The following TNS3 variants were observed in gnomAD, a reference collection of about 807,000 sequenced individuals.
TNS3 encodes tensin-3.
TNS3 carries 45 observed loss-of-function variants against 140.9 expected under a neutral mutation model. The ratio of observed to expected loss-of-function variants is 0.32; its 90% CI spans 0.25 to 0.41. TNS3 has a LOEUF of 0.41. Ranked by LOEUF, TNS3 falls within the 10% of genes least tolerant of loss-of-function variation. The pLI, the probability that TNS3 is intolerant of heterozygous loss-of-function variation, is 1.00. For missense variants in TNS3, 1,716 were observed against 1,906.7 expected (o/e 0.90, Z 1.86); for synonymous variants, 815 against 788.4 (o/e 1.03, Z -0.56).
chr7:47,341,060 T>A (rs1272819351), intron 20 of TNS3, among the ~76,000 whole-genome samples: 2 of 152,234 alleles, frequency 1.3e-5, no homozygotes, highest in East Asian at 3.8e-4. Context: ...AATTTTCAAA[T>A]ACTAAACCAG....
intron 10 of TNS3, among the ~76,000 whole-genome samples, chr7:47,416,144 G>A: frequency 6.6e-6 from 1 of 152,178 alleles, no homozygotes; most frequent in East Asian, 1.9e-4. Flanking sequence ...CCAAAGTACT[G>A]TACTCTTTGC....
intron 16 of TNS3, among the ~76,000 whole-genome samples, chr7:47,391,712 C>A (rs1018971380): frequency 5.3e-5 from 8 of 152,148 alleles, no homozygotes; most frequent in African/African-American, 1.9e-4. Context: ...AATCCAGGGA[C>A]ACATATGCTG....
chr7:47,364,241 A>T (rs1231073708), intron 17 of TNS3, among the ~76,000 whole-genome samples: 2 of 150,934 alleles, frequency 1.3e-5, no homozygotes, highest in Non-Finnish European at 2.9e-5. Context: ...TTCCTTGCTT[A>T]GCTGCAGTGC....
intron 28 of TNS3, among the ~76,000 whole-genome samples, chr7:47,280,652 G>T (rs1785097310): frequency 6.6e-6 from 1 of 152,142 alleles, no homozygotes; most frequent in Non-Finnish European, 1.5e-5. Flanking sequence ...AGTGGCTCAC[G>T]CCTGTAATCC....
Position 47,368,674 on chromosome 7 carries a change from G to C in TNS3, c.1972C>G (p.Gln658Glu), listed in dbSNP as rs373216604. 10 of 1,598,548 alleles carry C rather than the reference G, an allele frequency of 6.3e-6. No homozygotes were observed. The Middle Eastern group carries it at 5.0e-4, about 80-fold the overall frequency. ...TTGAACGCTTTGCTGGGAGAGGGCT[G>C]CTGTGTGTCAGGGGGATGTGGCCCA... ...GSGPHPPDTQ[Q>E]PSPSKAFKPR... is the part of the protein sequence containing the mutation. The change falls in exon 17 of 31, where the codon CAG becomes GAG. Residue 658 changes from glutamine to glutamate, a missense_variant. By Grantham distance (29) the Gln-to-Glu change is conservative (BLOSUM62 2). Around this residue, in one of 3 missense-constraint regions of TNS3, gnomAD observed 1,163 missense variants for 1,182.1 expected, o/e 0.98. Coordinates refer to ENST00000311160, the MANE Select transcript of TNS3 (RefSeq NM_022748.12).
chr7:47,465,925 A>AAAATAAATAAATAAATAAAT lies in TNS3; in HGVS notation c.-76+15158_-76+15177dup, dbSNP rs373640446. The stretch of plus-strand genomic sequence containing the variant: ...GGCAACAAGAGCGAAACTCCGTCTA[A>AAAATAAATAAATAAATAAAT]AAATAAATAAATAAATAAATAAATA... On this transcript the variant is annotated intron_variant, in intron 4 of 30. Coordinates refer to ENST00000311160, the MANE Select transcript of TNS3 (RefSeq NM_022748.12). Among the ~76,000 whole-genome samples, 630 of 150,466 alleles carry AAAATAAATAAATAAATAAAT rather than the reference A, an allele frequency of 4.2e-3. 2 individuals carry two copies. Among genetic ancestry groups the AAAATAAATAAATAAATAAAT allele is most frequent in the African/African-American group, 0.015 (599 of 40,416 alleles).
In TNS3 at chr7:47,488,589, C is replaced by T. The variant is rs570232750; in HGVS notation, c.-114-7448G>A. ...CTGGATTAGGCCCATCCTAATGACCCTATTTCAACCTAATTACCTCTTTAA... is the reference window on the plus strand; with the variant it reads ...CTGGATTAGGCCCATCCTAATGACCTTATTTCAACCTAATTACCTCTTTAA... On this transcript the variant is annotated intron_variant, in intron 3 of 30. Coordinates refer to ENST00000311160, the MANE Select transcript of TNS3 (RefSeq NM_022748.12). Among the ~76,000 whole-genome samples the T allele has an allele frequency of 3.3e-5, 5 of 152,342 alleles. No homozygotes were observed. In the East Asian group the frequency reaches 9.6e-4, roughly 29 times the overall value.
intron 4 of TNS3, among the ~76,000 whole-genome samples, chr7:47,449,853 G>A (rs960735519): frequency 2.0e-5 from 3 of 152,168 alleles, no homozygotes; most frequent in African/African-American, 4.8e-5. Flanking sequence ...TGATATGCCC[G>A]CCTCGGCCTC....
intron 3 of TNS3, among the ~76,000 whole-genome samples, chr7:47,489,442 C>T (rs1797731625): frequency 6.6e-6 from 1 of 152,158 alleles, no homozygotes; most frequent in African/African-American, 2.4e-5. Context: ...AATTTTTAGA[C>T]AAAAGAGTAG....
chr7:47,343,368 A>G (rs1003790651), intron 20 of TNS3, among the ~76,000 whole-genome samples: 5 of 152,240 alleles, frequency 3.3e-5, no homozygotes, highest in Non-Finnish European at 7.4e-5. Flanking sequence ...GGCCTCCCTC[A>G]GGAGCTGTTA....
intron 20 of TNS3, among the ~76,000 whole-genome samples, chr7:47,307,666 T>G (rs145296604): frequency 6.6e-6 from 1 of 152,368 alleles, no homozygotes; most frequent in East Asian, 1.9e-4. Context: ...TATAACACTG[T>G]GTTTTTAATT....
chr7:47,303,616 T>C (rs1273415036), intron 21 of TNS3, 32 bp from the exon 22 acceptor site: 1 of 1,550,848 alleles, frequency 6.4e-7, no homozygotes, highest in Non-Finnish European at 8.7e-7. Flanking sequence ...CAAGACAGCA[T>C]GTAAGGTACA....
chr7:47,301,200 T>G (rs1786380661), intron 23 of TNS3, among the ~76,000 whole-genome samples: 1 of 152,168 alleles, frequency 6.6e-6, no homozygotes, highest in South Asian at 2.1e-4. Context: ...CTCACCGCTT[T>G]AAACCAACCC....
rs1169164773 is a variant in TNS3, at chr7:47,389,157, CAGA to C, written c.1024+7640_1024+7642del. Reference sequence around the variant, plus strand: ...GAAGAAGAAGAAGAAGAAGAAGAAGCAGAAGAAGCAGCAGAAGCAGAAGAAGCA... The same window carrying C: ...GAAGAAGAAGAAGAAGAAGAAGAAGCAGAAGCAGCAGAAGCAGAAGAAGCA... On this transcript the variant is annotated intron_variant, in intron 16 of 30. Transcript: ENST00000311160. 5.9e-3 allele frequency among the ~76,000 whole-genome samples: 134 copies of C among 22,652 alleles called. 37 individuals are homozygous for C. The highest frequency in any genetic ancestry group is 0.012 in the African/African-American group (111 of 8,952). The allele number at this position is 22,652 out of a possible 152,430, so 14.9% of individuals were successfully genotyped here.
intron 1 of TNS3, among the ~76,000 whole-genome samples, chr7:47,556,387 G>C (rs751917813): frequency 6.6e-6 from 1 of 152,158 alleles, no homozygotes; most frequent in Non-Finnish European, 1.5e-5. Context: ...CCCCTGAGCA[G>C]GGGTCTCTCC....
chr7:47,564,364 G>A (rs939330448), intron 1 of TNS3, among the ~76,000 whole-genome samples: 7 of 151,962 alleles, frequency 4.6e-5, no homozygotes, highest in African/African-American at 9.7e-5. Context: ...CTTGCTGGGC[G>A]TGGTGACTCA....
intron 10 of TNS3, among the ~76,000 whole-genome samples, chr7:47,421,571 C>A (rs1344012330): frequency 2.0e-5 from 3 of 152,098 alleles, no homozygotes; most frequent in Non-Finnish European, 4.4e-5. Flanking sequence ...CTGTGCCACA[C>A]CCAGTATTTC....
At chr7:47,405,848 C>T (rs954423657) in intron 13 of TNS3, among the ~76,000 whole-genome samples, 1 of 152,166 alleles carries the variant, frequency 6.6e-6, no homozygotes, top group Non-Finnish European at 1.5e-5. Flanking sequence ...GCAGGCAACA[C>T]CTTTGTTTAC....
intron 20 of TNS3, among the ~76,000 whole-genome samples, chr7:47,309,779 G>T (rs1230289424): frequency 6.6e-6 from 1 of 152,224 alleles, no homozygotes; most frequent in Non-Finnish European, 1.5e-5. Context: ...ATCAAAGATG[G>T]CCACATCAGC....
Sources: gnomAD v4.1 joint callset for allele counts (sites outside exome capture counted in the v4.1 genomes callset) on GRCh38, gnomAD v4.1.1 for gene constraint, gnomAD v4.1.1 regional missense constraint, MANE v1.5 for transcripts, NCBI Gene and HGNC (gene_info 2026-07-23, HGNC 2026-07-21) for gene names.